CDIP1: variants seen among roughly 807,000 people sequenced by gnomAD.
CDIP1 encodes the protein cell death-inducing p53-target protein 1.
A neutral mutation model predicts 17.7 loss-of-function variants in CDIP1; 9 were observed. The observed-to-expected ratio is 0.51, with a 90% confidence interval of 0.31 to 0.89. The LOEUF (loss-of-function observed/expected upper bound fraction) is 0.89, where lower values mean the gene tolerates loss of function less well. CDIP1 is among the 40% of genes least tolerant of loss of function. CDIP1 has a pLI of 0.05. For missense variants in CDIP1, 263 were observed against 277.9 expected (o/e 0.95, Z 0.38); for synonymous variants, 117 against 109.5 (o/e 1.07, Z -0.43).
Position 4,530,660 on chromosome 16 carries a change from A to AC in CDIP1, c.-105+8041dup, listed in dbSNP as rs1555502185. Among the ~76,000 whole-genome samples, 6 of 146,794 alleles carry AC rather than the reference A, an allele frequency of 4.1e-5. No individual in the cohort carries two copies. The East Asian group carries it at 1.2e-3, about 29-fold the overall frequency. On this transcript the variant is annotated intron_variant, in intron 1 of 5. Coordinates refer to ENST00000567695, the MANE Select transcript of CDIP1 (RefSeq NM_013399.3). The stretch of plus-strand genomic sequence containing the variant: ...TGAGACTCCATCTCAAAAAAAAAAA[A>AC]CAAAAACAAAAAAAACAGAAATAGT...
rs543299689 is a variant in CDIP1 at position 4,513,577 on chromosome 16, T to C, written c.241+119A>G. 16 of 838,808 alleles carry C rather than the reference T, an allele frequency of 1.9e-5. No homozygotes were observed. The highest frequency in any genetic ancestry group is 1.5e-4 in the East Asian group (6 of 39,352). 52.0% of individuals were successfully genotyped at this position (838,808 alleles called of 1,614,324 possible). A position where few individuals can be genotyped will look rare whatever the true frequency, so the allele number is the denominator to read the frequency against. ...AGCCTGAGCCCTAGGCAAGGGCTGG[T>C]TGGGCGTGTTGGAGTCCCTGCCCTA... On this transcript the variant is annotated intron_variant, in intron 4 of 5. Transcript: ENST00000567695. This position sits in a 1 kb window ranked among gnomAD's most constrained non-coding sequence, Gnocchi z 4.1.
chr16:4,531,373 T>C (rs1416629486), intron 1 of CDIP1, among the ~76,000 whole-genome samples: 1 of 151,592 alleles, frequency 6.6e-6, no homozygotes, highest in East Asian at 1.9e-4. Context: ...ATGTTTGCCA[T>C]GGTCTCAAAC....
chr16:4,520,194 C>T (rs1352183966), intron 1 of CDIP1, among the ~76,000 whole-genome samples: 4 of 151,918 alleles, frequency 2.6e-5, no homozygotes, highest in African/African-American at 9.7e-5. Context: ...TCACTGCAGC[C>T]TCCGCCTCCC....
chr16:4,529,386 C>T (rs566478185), intron 1 of CDIP1, among the ~76,000 whole-genome samples: 4 of 152,266 alleles, frequency 2.6e-5, no homozygotes, highest in Admixed American at 6.5e-5. Context: ...AGGACACAGC[C>T]CCGGCCTCCC....
intron 1 of CDIP1, among the ~76,000 whole-genome samples, chr16:4,522,870 C>T (rs964684222): frequency 1.3e-5 from 2 of 152,228 alleles, no homozygotes; most frequent in African/African-American, 4.8e-5. Flanking sequence ...TTGGCCCACA[C>T]TAGGCCTTTC....
chr16:4,521,721 A>C lies in CDIP1; in HGVS notation c.-104-7057T>G, dbSNP rs2058951097. Reference sequence around the variant, plus strand: ...ATATTAAAAAAAAAAAAAAAAAAAAAAGGCGGGGGGGCCCGCTCTGCATCA... The same window carrying C: ...ATATTAAAAAAAAAAAAAAAAAAAACAGGCGGGGGGGCCCGCTCTGCATCA... On this transcript the variant is annotated intron_variant, in intron 1 of 5. Transcript: ENST00000567695. Among the ~76,000 whole-genome samples, 4 of 149,380 alleles carry C rather than the reference A, an allele frequency of 2.7e-5. No homozygotes were observed. In the South Asian group the frequency reaches 8.7e-4, roughly 33 times the overall value.
chr16:4,531,473 T>C (rs1426432751), intron 1 of CDIP1, among the ~76,000 whole-genome samples: 1 of 152,152 alleles, frequency 6.6e-6, no homozygotes, highest in African/African-American at 2.4e-5. Flanking sequence ...GAACACCTTT[T>C]GGAGGTTGCA....
chr16:4,537,246 G>C (rs1338534994), intron 1 of CDIP1, among the ~76,000 whole-genome samples: 1 of 152,210 alleles, frequency 6.6e-6, no homozygotes, highest in Non-Finnish European at 1.5e-5. Context: ...ACAATAAAGT[G>C]TTAACTCTAC....
intron 1 of CDIP1, among the ~76,000 whole-genome samples, chr16:4,528,250 T>C (rs2141653068): frequency 6.6e-6 from 1 of 152,384 alleles, no homozygotes; most frequent in Middle Eastern, 3.4e-3. Flanking sequence ...TCTTTGTTTT[T>C]TCCTTTTTGT....
At chr16:4,528,210 G>C (rs947809250) in intron 1 of CDIP1, among the ~76,000 whole-genome samples, 3 of 152,186 alleles carry the variant, frequency 2.0e-5, no homozygotes, top group Non-Finnish European at 2.9e-5. Flanking sequence ...TTCTTCTTTA[G>C]ATGTATTTAC....
intron 1 of CDIP1, chr16:4,523,983 A>C (rs780521600): frequency 2.6e-5 from 4 of 152,018 alleles, no homozygotes; most frequent in Non-Finnish European, 5.9e-5. Context: ...TCCCCAGGAG[A>C]CCTCCGGCAC....
chr16:4,512,679 C>A lies in CDIP1; in HGVS notation c.520G>T (p.Asp174Tyr). ...LGFFCCFMGC[D>Y]LGCCLIPCLI... ...CAGGGGATCAGGCAGCAGCCCAGATCACATCTGAATCAGAGACAGGGAAGA... is the reference window on the plus strand; with the variant it reads ...CAGGGGATCAGGCAGCAGCCCAGATAACATCTGAATCAGAGACAGGGAAGA... The change falls in exon 6 of 6, where the codon GAT (aspartate) becomes TAT (tyrosine). Residue 174 changes from aspartate to tyrosine, a missense_variant. Physicochemically the swap from Asp to Tyr is radical, Grantham distance 160. Transcript: ENST00000567695. This position sits in a 1 kb window ranked among gnomAD's most constrained non-coding sequence, Gnocchi z 4.6. 6.2e-7 allele frequency: 1 copy of A among 1,613,254 alleles called. No homozygotes were observed. Among genetic ancestry groups the A allele is most frequent in the East Asian group, 2.2e-5 (1 of 44,840 alleles).
intron 1 of CDIP1, among the ~76,000 whole-genome samples, chr16:4,531,571 C>T (rs1336552059): frequency 6.6e-6 from 1 of 152,146 alleles, no homozygotes; most frequent in Non-Finnish European, 1.5e-5. Context: ...AGACAGGTGC[C>T]CTGTGAAGTG....
intron 1 of CDIP1, among the ~76,000 whole-genome samples, chr16:4,531,859 G>C (rs909936830): frequency 6.6e-6 from 1 of 152,210 alleles, no homozygotes; most frequent in Non-Finnish European, 1.5e-5. Flanking sequence ...CTTCACATGC[G>C]TTCCATTTAC....
chr16:4,517,095 C>T (rs1198779300), intron 1 of CDIP1, among the ~76,000 whole-genome samples: 2 of 152,242 alleles, frequency 1.3e-5, no homozygotes, highest in Non-Finnish European at 2.9e-5. Context: ...GTCCACCGCT[C>T]TTTCCCTTTT....
intron 1 of CDIP1, among the ~76,000 whole-genome samples, chr16:4,526,807 G>A (rs1466454557): frequency 2.6e-5 from 4 of 151,934 alleles, no homozygotes; most frequent in Admixed American, 2.0e-4. Context: ...ACACCACTGC[G>A]CCCTCCAACA....
intron 1 of CDIP1, among the ~76,000 whole-genome samples, chr16:4,537,410 G>C (rs1290765809): frequency 6.6e-6 from 1 of 152,212 alleles, no homozygotes; most frequent in African/African-American, 2.4e-5. Context: ...GGGCAAGGCA[G>C]AGCTGGCACG....
intron 1 of CDIP1, among the ~76,000 whole-genome samples, chr16:4,535,364 A>C (rs1248174716): frequency 1.3e-5 from 2 of 152,216 alleles, no homozygotes; most frequent in Non-Finnish European, 2.9e-5. Context: ...GGTGACAAGA[A>C]ATGTTTCCTG....
At chr16:4,532,991 C>G (rs774780331) in intron 1 of CDIP1, 5 of 152,282 alleles carry the variant, frequency 3.3e-5, no homozygotes, top group Non-Finnish European at 7.3e-5. Flanking sequence ...CCAAGTTCCT[C>G]TCTTTTTTGT....
Sources: allele counts gnomAD v4.1 joint callset (sites outside exome capture counted in the v4.1 genomes callset), GRCh38; gene constraint gnomAD v4.1.1; non-coding constraint Gnocchi (gnomAD v3.1); transcripts MANE v1.5; gene names NCBI Gene and HGNC (gene_info 2026-07-23, HGNC 2026-07-21).